PFKFB3: variants seen among roughly 807,000 people sequenced by gnomAD.
The protein encoded by PFKFB3 is 6-phosphofructo-2-kinase/fructose-2,6-biphosphatase 3.
Under a neutral mutation model 68.0 loss-of-function variants are expected in PFKFB3, and 33 were observed. The observed-to-expected ratio is 0.49, with a 90% CI of 0.37 to 0.65. PFKFB3 has a LOEUF of 0.65. PFKFB3 is among the 30% of genes least tolerant of loss of function. PFKFB3 has a pLI of 0.00. For synonymous variants in PFKFB3, 315 were observed against 288.2 expected (o/e 1.09, Z -0.94); for missense variants, 586 against 712.2 (o/e 0.82, Z 2.02).
intron 1 of PFKFB3, among the ~76,000 whole-genome samples, chr10:6,152,915 C>T (rs1057136372): frequency 2.6e-5 from 4 of 151,896 alleles, no homozygotes; most frequent in Non-Finnish European, 5.9e-5. Context: ...CACGGTGGCT[C>T]ACGCCTGTAA....
intron 1 of PFKFB3, among the ~76,000 whole-genome samples, chr10:6,167,396 C>T (rs143506260): frequency 6.6e-6 from 1 of 152,334 alleles, no homozygotes; most frequent in East Asian, 1.9e-4. Flanking sequence ...CCTTTCTGAG[C>T]TCCTGGATTC....
intron 1 of PFKFB3, among the ~76,000 whole-genome samples, chr10:6,207,060 T>TC (rs1436540472): frequency 6.6e-6 from 1 of 151,952 alleles, no homozygotes; most frequent in Admixed American, 6.5e-5. Context: ...GGCTGCAATC[T>TC]CGGCACTTTG....
At chr10:6,155,445 C>T (rs1230123514) in intron 1 of PFKFB3, among the ~76,000 whole-genome samples, 1 of 152,062 alleles carries the variant, frequency 6.6e-6, no homozygotes, top group Non-Finnish European at 1.5e-5. Flanking sequence ...ACCTCGTGAT[C>T]CGCCCGTCTC....
chr10:6,286,583 C>T, the PFKFB3 span, among the ~76,000 whole-genome samples: 8 of 151,026 alleles, frequency 5.3e-5, no homozygotes, highest in Non-Finnish European at 8.9e-5. Context: ...TCACTATGTT[C>T]GCCAGGCTGG....
chr10:6,299,967 ACTT>A, the PFKFB3 span, among the ~76,000 whole-genome samples: 1 of 49,664 alleles, frequency 2.0e-5, no homozygotes, highest in African/African-American at 6.0e-5. Flanking sequence ...TGTTCAGAAG[ACTT>A]TTTTTTTTTT....
At chr10:6,191,703 C>G (rs192535313) in intron 1 of PFKFB3, among the ~76,000 whole-genome samples, 138 of 152,272 alleles carry the variant, frequency 9.1e-4, no homozygotes, top group African/African-American at 2.7e-3. Flanking sequence ...CTGCATTTGC[C>G]GTCCCTCTGG....
chr10:6,228,474 C>T lies in PFKFB3; in HGVS notation c.1515+2109C>T, dbSNP rs543983748. Reference sequence around the variant, plus strand: ...CGCCGCACGACCGCTGGCTTCTCCCCTACCCTCTCAGGGCTGCAGGTCGTG... The same window carrying T: ...CGCCGCACGACCGCTGGCTTCTCCCTTACCCTCTCAGGGCTGCAGGTCGTG... On this transcript the variant is annotated intron_variant, in intron 14 of 14. Transcript: ENST00000379775. The surrounding 1 kb of genome is among the most constrained non-coding windows in gnomAD (Gnocchi z 4.5). Among the ~76,000 whole-genome samples, 2 of 152,232 alleles carry T rather than the reference C, an allele frequency of 1.3e-5. No individual in the cohort carries two copies. The highest frequency in any genetic ancestry group is 4.1e-4 in the South Asian group (2 of 4,822).
At chr10:6,285,766 G>A in the PFKFB3 span, among the ~76,000 whole-genome samples, 1 of 152,006 alleles carries the variant, frequency 6.6e-6, no homozygotes, top group Non-Finnish European at 1.5e-5. Flanking sequence ...TTGATTCTAT[G>A]AATTTAACTA....
intron 1 of PFKFB3, among the ~76,000 whole-genome samples, chr10:6,180,753 C>T (rs1014047949): frequency 2.0e-5 from 3 of 152,152 alleles, no homozygotes; most frequent in Non-Finnish European, 2.9e-5. Context: ...TGCAAGCCAC[C>T]GTGCCCTAGG....
At chr10:6,291,774 G>A in the PFKFB3 span, among the ~76,000 whole-genome samples, 4 of 152,104 alleles carry the variant, frequency 2.6e-5, no homozygotes, top group African/African-American at 9.6e-5. Flanking sequence ...CACATTTTGC[G>A]TTTTAGAAAG....
At chr10:6,151,659 C>T (rs1042144644) in intron 1 of PFKFB3, among the ~76,000 whole-genome samples, 21 of 152,308 alleles carry the variant, frequency 1.4e-4, no homozygotes, top group African/African-American at 5.1e-4. Flanking sequence ...CTTGTCCAGC[C>T]ACAGCAGTGG....
intron 1 of PFKFB3, among the ~76,000 whole-genome samples, chr10:6,188,448 T>C (rs1255272169): frequency 6.6e-6 from 1 of 151,806 alleles, no homozygotes; most frequent in Admixed American, 6.6e-5. Context: ...GTGCAGGCAC[T>C]GATTTTTTTT....
At chr10:6,157,473 G>A (rs780035923) in intron 1 of PFKFB3, among the ~76,000 whole-genome samples, 9 of 152,228 alleles carry the variant, frequency 5.9e-5, no homozygotes, top group East Asian at 1.9e-4. Flanking sequence ...TGATCCGCCC[G>A]CCTCGGCCTC....
At chr10:6,271,983 T>C in the PFKFB3 span, among the ~76,000 whole-genome samples, 1 of 152,152 alleles carries the variant, frequency 6.6e-6, no homozygotes, top group African/African-American at 2.4e-5. Flanking sequence ...ATCTCTACCA[T>C]GTGTGGGAAT....
intron 1 of PFKFB3, among the ~76,000 whole-genome samples, chr10:6,175,172 GT>G (rs1370302459): frequency 6.6e-6 from 1 of 152,110 alleles, no homozygotes; most frequent in Admixed American, 6.5e-5. Context: ...TCAAACCTCA[GT>G]TTTACCCCCT....
chr10:6,281,633 G>A, the PFKFB3 span, among the ~76,000 whole-genome samples: 1 of 152,056 alleles, frequency 6.6e-6, no homozygotes, highest in Non-Finnish European at 1.5e-5. Flanking sequence ...TCATCTCACT[G>A]AAAAGCTGTT....
chr10:6,246,026 C>G (rs528358159), intron 14 of PFKFB3, among the ~76,000 whole-genome samples: 8 of 152,264 alleles, frequency 5.3e-5, no homozygotes, highest in South Asian at 2.1e-4. Flanking sequence ...TCCTTCTTCT[C>G]GAAGACCCTC....
At chr10:6,171,363 CT>C (rs773194662) in intron 1 of PFKFB3, among the ~76,000 whole-genome samples, 3 of 151,704 alleles carry the variant, frequency 2.0e-5, no homozygotes, top group Non-Finnish European at 4.4e-5. Flanking sequence ...CCCTTCTTCT[CT>C]ATTTTTAACT....
In PFKFB3 at chr10:6,228,461, G is replaced by T. The variant is rs576529781; in HGVS notation, c.1515+2096G>T. Among the ~76,000 whole-genome samples the T allele has an allele frequency of 6.6e-6, 1 of 152,032 alleles. No individual in the cohort carries two copies. Among genetic ancestry groups the T allele is most frequent in the Non-Finnish European group, 1.5e-5 (1 of 68,016 alleles). On this transcript the variant is annotated intron_variant, in intron 14 of 14. Coordinates refer to ENST00000379775, the MANE Select transcript of PFKFB3 (RefSeq NM_004566.4). The surrounding 1 kb of genome is among the most constrained non-coding windows in gnomAD (Gnocchi z 4.5). ...TGTGTTCCGACACCGCCGCACGACC[G>T]CTGGCTTCTCCCCTACCCTCTCAGG...
Sources: gnomAD v4.1 joint callset for allele counts (sites outside exome capture counted in the v4.1 genomes callset) on GRCh38, gnomAD v4.1.1 for gene constraint, Gnocchi (gnomAD v3.1) non-coding constraint, MANE v1.5 for transcripts, NCBI Gene and HGNC (gene_info 2026-07-23, HGNC 2026-07-21) for gene names.